The following CERS4 variants were observed in gnomAD, a reference collection of about 807,000 sequenced individuals.
The protein encoded by CERS4 is LAG1 homolog, ceramide synthase 4.
A neutral mutation model predicts 51.8 loss-of-function variants in CERS4; 65 were observed. That is an observed-to-expected ratio of 1.26 (90% CI 1.03 to 1.54). The LOEUF is 1.54. Ranked by LOEUF, CERS4 falls within the 40% of genes most tolerant of loss-of-function variation. The pLI is 0.00. For synonymous variants in CERS4, 228 were observed against 208.4 expected (o/e 1.09, Z -0.81); for missense variants, 563 against 500.4 (o/e 1.13, Z -1.19).
chr19:8,256,498 A>C (rs1969389920), intron 7 of CERS4, 120 bp from the exon 8 acceptor site: 16 of 1,051,314 alleles, frequency 1.5e-5, no homozygotes, highest in Admixed American at 2.4e-5. Flanking sequence ...AGGGATGGGG[A>C]GCTCACTCAT....
At chr19:8,214,958 AGGGG>A (rs1335091439) in intron 2 of CERS4, among the ~76,000 whole-genome samples, 4 of 121,380 alleles carry the variant, frequency 3.3e-5, no homozygotes, top group Admixed American at 8.8e-5. Context: ...GAGAGGGAGG[AGGGG>A]GAGGAGGAGA....
At chr19:8,226,221 A>G (rs973896970) in intron 2 of CERS4, among the ~76,000 whole-genome samples, 6 of 152,086 alleles carry the variant, frequency 3.9e-5, no homozygotes, top group South Asian at 2.1e-4. Flanking sequence ...GAATGGTAAC[A>G]GTATCTTCCT....
intron 2 of CERS4, among the ~76,000 whole-genome samples, chr19:8,224,337 G>A (rs1398882785): frequency 6.6e-6 from 1 of 151,694 alleles, no homozygotes; most frequent in Non-Finnish European, 1.5e-5. Flanking sequence ...AACCTGGGAG[G>A]CGGAGATTGC....
At chr19:8,254,048 G>A (rs186614797) in intron 3 of CERS4, among the ~76,000 whole-genome samples, 10 of 152,108 alleles carry the variant, frequency 6.6e-5, no homozygotes, top group East Asian at 1.9e-4. Flanking sequence ...TAGGCCGGGC[G>A]CGGTGGCTCA....
chr19:8,231,224 A>G (rs972920560), intron 2 of CERS4, among the ~76,000 whole-genome samples: 1 of 152,062 alleles, frequency 6.6e-6, no homozygotes, highest in Non-Finnish European at 1.5e-5. Flanking sequence ...ATGTTTTCCA[A>G]TTTTGTGAGA....
At chr19:8,254,679 G>A in intron 4 of CERS4, 63 bp downstream of exon 4, 7 of 1,446,310 alleles carry the variant, frequency 4.8e-6, no homozygotes, top group Non-Finnish European at 5.7e-6. Flanking sequence ...TGGGGATGGT[G>A]TGTGGCCCAT....
chr19:8,250,966 G>T, intron 2 of CERS4, 110 bp from the exon 3 acceptor site: 1 of 1,481,164 alleles, frequency 6.8e-7, no homozygotes, highest in Non-Finnish European at 8.9e-7. Flanking sequence ...GTTGTCAACT[G>T]CGCTGATAGG....
intron 10 of CERS4, among the ~76,000 whole-genome samples, chr19:8,260,699 C>T (rs1568543410): frequency 6.6e-6 from 1 of 151,754 alleles, no homozygotes; most frequent in East Asian, 1.9e-4. Flanking sequence ...CCTGTAATCC[C>T]AGCACTTTGG....
Position 8,255,839 on chromosome 19 carries a change from A to C in CERS4, c.428A>C (p.Tyr143Ser). Residue 143 changes from tyrosine (Y) to serine (S), a missense_variant, in exon 6 of 12, where the codon TAC (tyrosine) becomes TCC (serine). Transcript: ENST00000251363. ...ATCCACAGCTGGAGGTTTCTCTTCT[A>C]CCTGTCCTCCTTCGTGGGCGGCCTC... is the stretch of plus-strand genomic sequence containing the variant. The part of the protein sequence containing the change: ...FCEASWRFLF[Y>S]LSSFVGGLSV... The C allele has an allele frequency of 6.2e-7, 1 of 1,613,690 alleles. No homozygotes were observed. Among genetic ancestry groups the C allele is most frequent in the Non-Finnish European group, 8.5e-7 (1 of 1,179,960 alleles).
intron 9 of CERS4, 77 bp from the exon 10 acceptor site, chr19:8,257,802 G>T: frequency 9.0e-7 from 1 of 1,115,756 alleles, no homozygotes. Context: ...CAACTCACCT[G>T]GTCCCATCCT....
At chr19:8,250,945 C>A (rs994074319) in intron 2 of CERS4, 131 bp from the exon 3 acceptor site, 10 of 1,470,116 alleles carry the variant, frequency 6.8e-6, no homozygotes, top group Non-Finnish European at 2.7e-6. Flanking sequence ...ATCTTCCAGT[C>A]CTGCCTCCTG....
In CERS4 at chr19:8,262,040, AG is replaced by A. The variant is rs1459146475; in HGVS notation, c.1117del (p.Ala373ProfsTer14). 2 of 1,554,760 alleles carry A rather than the reference AG, an allele frequency of 1.3e-6. No individual in the cohort carries two copies. Among genetic ancestry groups the A allele is most frequent in the Non-Finnish European group, 1.7e-6 (2 of 1,154,430 alleles). On this transcript the variant is annotated frameshift_variant, in exon 12 of 12. Coordinates refer to ENST00000251363, the MANE Select transcript of CERS4 (RefSeq NM_024552.3). LOFTEE classifies it low-confidence loss of function (END_TRUNC). ...ACGGGGCAGCTGGAGGGCCCAGGCC[AG>A]CCCCCACTGATGGCCCTCGGAGCCG... is the stretch of plus-strand genomic sequence containing the variant. ...KNGAAGGPRP[A>X]PTDGPRSRVA...
chr19:8,261,562 G>A lies in CERS4; in HGVS notation c.849-126G>A, dbSNP rs538159802. On this transcript the variant is annotated intron_variant, in intron 10 of 11. Transcript: ENST00000251363. The stretch of plus-strand genomic sequence containing the variant: ...GCTCAAGAGTGTTAGGTATCATGGG[G>A]TGGGGGGCACTAGGGAGCCATAGGT... The A allele has an allele frequency of 3.1e-5, 33 of 1,071,296 alleles. No individual in the cohort carries two copies. The East Asian group carries it at 7.1e-4, about 23-fold the overall frequency. 66.4% of individuals were successfully genotyped at this position (1,071,296 alleles called of 1,614,324 possible).
chr19:8,260,486 G>A (rs1254268856), intron 10 of CERS4, among the ~76,000 whole-genome samples: 2 of 149,068 alleles, frequency 1.3e-5, no homozygotes, highest in African/African-American at 4.9e-5. Flanking sequence ...GATTACAGGC[G>A]TGAGCCACTG....
At chr19:8,219,462 C>G in intron 2 of CERS4, among the ~76,000 whole-genome samples, 1 of 152,082 alleles carries the variant, frequency 6.6e-6, no homozygotes, top group East Asian at 1.9e-4. Context: ...GCCAGGAGTT[C>G]GAGACAAGCC....
rs191456544 is a variant in CERS4, at chr19:8,245,726, G to A, written c.-1-5350G>A. ...GGCTAATTTTTGTATTTTTAGTAGAGACGGGGTTTCACCGTGTTGGCCAGG... is the reference window on the plus strand; with the variant it reads ...GGCTAATTTTTGTATTTTTAGTAGAAACGGGGTTTCACCGTGTTGGCCAGG... On this transcript the variant is annotated intron_variant, in intron 2 of 11. Transcript: ENST00000251363. Among the ~76,000 whole-genome samples, 100 of 151,670 alleles carry A rather than the reference G, an allele frequency of 6.6e-4. 1 individual carries two copies. Among genetic ancestry groups the A allele is most frequent in the Admixed American group, 1.4e-3 (21 of 15,210 alleles).
At position 8,210,175 on chromosome 19, in the gene CERS4, A is replaced by T. The variant is rs1382673305; in HGVS notation, c.-158-531A>T. On this transcript the variant is annotated intron_variant, in intron 1 of 11. Transcript: ENST00000251363. The surrounding 1 kb of genome is among the most constrained non-coding windows in gnomAD (Gnocchi z 4.2). ...GTTCTCGGGGCGGTGGGGACCAGGG[A>T]GGCTTGGAACAGCAGGTGCATGGCG... Among the ~76,000 whole-genome samples the T allele has an allele frequency of 6.6e-6, 1 of 151,974 alleles. No individual in the cohort carries two copies. The highest frequency in any genetic ancestry group is 1.5e-5 in the Non-Finnish European group (1 of 67,976).
chr19:8,256,837 A>G (rs1969412130), intron 8 of CERS4, 112 bp from the exon 9 acceptor site: 1 of 1,586,442 alleles, frequency 6.3e-7, no homozygotes, highest in Non-Finnish European at 8.6e-7. Flanking sequence ...TATAGAGGCC[A>G]TGGGCCCAGA....
chr19:8,215,895 T>A (rs1263556011), intron 2 of CERS4, among the ~76,000 whole-genome samples: 1 of 151,982 alleles, frequency 6.6e-6, no homozygotes, highest in Admixed American at 6.6e-5. Flanking sequence ...TCCTCTGGGT[T>A]TTGTTTCTCC....
Sources: gnomAD v4.1 joint callset for allele counts (sites outside exome capture counted in the v4.1 genomes callset) on GRCh38, gnomAD v4.1.1 for gene constraint, Gnocchi (gnomAD v3.1) non-coding constraint, MANE v1.5 for transcripts, NCBI Gene and HGNC (gene_info 2026-07-23, HGNC 2026-07-21) for gene names.